LARP4: variants seen among roughly 807,000 people sequenced by gnomAD.
The protein encoded by LARP4 is la-related protein 4.
In LARP4, 29 loss-of-function variants were observed where a neutral mutation model predicts 92.9. That is an observed-to-expected ratio of 0.31 (90% confidence interval 0.23 to 0.43). The LOEUF (loss-of-function observed/expected upper bound fraction) is 0.43, where lower values mean the gene tolerates loss of function less well. Ranked by LOEUF, LARP4 falls within the 20% of genes least tolerant of loss-of-function variation. The pLI, the probability that LARP4 is intolerant of heterozygous loss-of-function variation, is 1.00. For missense variants in LARP4, 732 were observed against 860.0 expected (o/e 0.85, Z 1.86); for synonymous variants, 279 against 284.1 (o/e 0.98, Z 0.18).
chr12:50,474,243 T>C (rs1957295290), intron 15 of LARP4, 76 bp downstream of exon 15: 5 of 1,160,472 alleles, frequency 4.3e-6, no homozygotes, highest in South Asian at 1.6e-5. Flanking sequence ...CGTAACACTT[T>C]GTTAGAACAG....
In LARP4 at chr12:50,455,637, A is replaced by G. The variant is rs150477524; in HGVS notation, c.1121+1220A>G. 1.3e-3 allele frequency among the ~76,000 whole-genome samples: 193 copies of G among 152,254 alleles called. 2 individuals are homozygous for G. Among genetic ancestry groups the G allele is most frequent in the Non-Finnish European group, 2.0e-3 (137 of 68,012 alleles). ...GACAGGTTTTTCTGAAACTTGTTTT[A>G]CTGGAGAAATGAGCCCCAACAGAAT... On this transcript the variant is annotated intron_variant, in intron 10 of 15. Transcript: ENST00000398473.
intron 1 of LARP4, among the ~76,000 whole-genome samples, chr12:50,425,040 A>T (rs190929977): frequency 6.6e-6 from 1 of 152,048 alleles, no homozygotes; most frequent in Non-Finnish European, 1.5e-5. Flanking sequence ...CCAGCTATTC[A>T]GGAGGCTGAG....
At chr12:50,420,003 G>A (rs12313051) in intron 1 of LARP4, among the ~76,000 whole-genome samples, 383 of 152,254 alleles carry the variant, frequency 2.5e-3, no homozygotes, top group African/African-American at 7.7e-3. Flanking sequence ...TAAGTCATTA[G>A]GATCATGATT....
chr12:50,430,418 A>G lies in LARP4; in HGVS notation c.323-77A>G, dbSNP rs76762253. 6.3e-3 allele frequency: 4,613 copies of G among 734,514 alleles called. 172 individuals carry two copies. The East Asian group carries it at 0.083, about 13-fold the overall frequency. 45.5% of individuals were successfully genotyped at this position (734,514 alleles called of 1,614,324 possible). A position where few individuals can be genotyped will look rare whatever the true frequency, so the allele number is the denominator to read the frequency against. ...GATTGTAGATACTTTGTGGCTTCTGAGTACAACAGTATGTCAGATTTATCA... is the reference window on the plus strand; with the variant it reads ...GATTGTAGATACTTTGTGGCTTCTGGGTACAACAGTATGTCAGATTTATCA... On this transcript the variant is annotated intron_variant, in intron 3 of 15. Transcript: ENST00000398473.
chr12:50,421,643 A>AAAATAAATAAATAAATAAATAAAT (rs144012967), intron 1 of LARP4, among the ~76,000 whole-genome samples: 1 of 147,886 alleles, frequency 6.8e-6, no homozygotes, highest in African/African-American at 2.6e-5. Flanking sequence ...ACTTCATCAC[A>AAAATAAATAAATAAATAAATAAAT]AAATAAATAA....
chr12:50,437,982 G>A, intron 6 of LARP4, 144 bp downstream of exon 6: 1 of 536,214 alleles, frequency 1.9e-6, no homozygotes, highest in South Asian at 2.9e-5. Context: ...ACTGTGAAAA[G>A]GTTAAATACT....
chr12:50,423,444 A>G (rs1168627424), intron 1 of LARP4, among the ~76,000 whole-genome samples: 1 of 152,072 alleles, frequency 6.6e-6, no homozygotes, highest in African/African-American at 2.4e-5. Flanking sequence ...TTATAAAAAA[A>G]TCTATGCAGT....
intron 9 of LARP4, among the ~76,000 whole-genome samples, chr12:50,454,113 C>T (rs533714794): frequency 2.6e-5 from 4 of 152,222 alleles, no homozygotes; most frequent in African/African-American, 9.6e-5. Context: ...AATGTCAGAC[C>T]AGACATTCTT....
intron 1 of LARP4, among the ~76,000 whole-genome samples, chr12:50,414,587 A>G (rs1261072950): frequency 1.3e-5 from 2 of 152,130 alleles, no homozygotes; most frequent in African/African-American, 4.8e-5. Flanking sequence ...ACAGACATGC[A>G]CCACTGTGCC....
intron 10 of LARP4, among the ~76,000 whole-genome samples, chr12:50,455,176 T>C (rs1043701997): frequency 1.3e-5 from 2 of 152,320 alleles, no homozygotes; most frequent in African/African-American, 4.8e-5. Context: ...TTTTTCTTTA[T>C]GTAGACATCA....
chr12:50,450,960 T>C (rs536135267), intron 8 of LARP4, among the ~76,000 whole-genome samples: 1 of 152,348 alleles, frequency 6.6e-6, no homozygotes, highest in South Asian at 2.1e-4. Flanking sequence ...GTTGGGTTGC[T>C]TCTGGGGCCC....
intron 14 of LARP4, 143 bp from the exon 15 acceptor site, chr12:50,473,856 G>A: frequency 1.8e-6 from 1 of 562,696 alleles, no homozygotes; most frequent in Non-Finnish European, 3.1e-6. Context: ...GTTGCAGTGA[G>A]CCAAGAGCAT....
Position 50,475,668 on chromosome 12 carries a change from C to T in LARP4, c.1979C>T (p.Ser660Phe). 6.2e-7 allele frequency: 1 copy of T among 1,614,078 alleles called. No homozygotes were observed. Among genetic ancestry groups the T allele is most frequent in the Non-Finnish European group, 8.5e-7 (1 of 1,180,038 alleles). The change falls in exon 16 of 16, where the codon TCC (serine) becomes TTC (phenylalanine). Residue 660 changes from serine to phenylalanine, a missense_variant. Physicochemically the swap from Ser to Phe is radical, Grantham distance 155. Transcript: ENST00000398473. ...GAAGACAATGGAGCTCCTGAGAACT[C>T]CGTTGAGAAACCACATGAGAAGCCA... Reference protein sequence around the residue: ...KNEDNGAPENSVEKPHEKPEA... With the variant: ...KNEDNGAPENFVEKPHEKPEA...
chr12:50,477,510 T>A lies in LARP4; in HGVS notation c.*1646T>A, dbSNP rs1163569544. The stretch of plus-strand genomic sequence containing the variant: ...AGTAATATATTAAAGTGAATGTAAA[T>A]GGTGGTTAAAATTACATTACTGTGA... On this transcript the variant is annotated 3_prime_UTR_variant, in exon 16 of 16. Transcript: ENST00000398473. 6.6e-6 allele frequency: 1 copy of A among 152,640 alleles called. No homozygotes were observed. The highest frequency in any genetic ancestry group is 1.9e-4 in the East Asian group (1 of 5,184). The allele number at this position is 152,640 out of a possible 1,614,324, so 9.5% of individuals were successfully genotyped here. A position where few individuals can be genotyped will look rare whatever the true frequency, so the allele number is the denominator to read the frequency against.
chr12:50,430,063 A>G (rs1949418250), intron 3 of LARP4, among the ~76,000 whole-genome samples: 1 of 152,252 alleles, frequency 6.6e-6, no homozygotes, highest in Non-Finnish European at 1.5e-5. Context: ...TGAACTGTCC[A>G]AATTATAAAA....
At chr12:50,457,070 ATTG>A (rs1954399793) in intron 10 of LARP4, among the ~76,000 whole-genome samples, 1 of 151,870 alleles carries the variant, frequency 6.6e-6, no homozygotes, top group Non-Finnish European at 1.5e-5. Context: ...GTGCTAGCTA[ATTG>A]TTGTATTTTT....
chr12:50,407,315 C>T (rs1024958862), intron 1 of LARP4, among the ~76,000 whole-genome samples: 7 of 152,176 alleles, frequency 4.6e-5, no homozygotes, highest in Admixed American at 6.6e-5. Context: ...TGAGCCACTG[C>T]GTCTGGCCGA....
intron 13 of LARP4, among the ~76,000 whole-genome samples, chr12:50,472,930 A>C (rs984234382): frequency 6.6e-6 from 1 of 151,638 alleles, no homozygotes; most frequent in Non-Finnish European, 1.5e-5. Flanking sequence ...GGTTCAAGCA[A>C]TTCTGCCTCA....
intron 10 of LARP4, among the ~76,000 whole-genome samples, chr12:50,457,781 T>C (rs1244691558): frequency 6.8e-6 from 1 of 146,866 alleles, no homozygotes; most frequent in Non-Finnish European, 1.5e-5. Flanking sequence ...ACCACCTCGC[T>C]CCAGCCTGGG....
Sources: gnomAD v4.1 joint callset for allele counts (sites outside exome capture counted in the v4.1 genomes callset) on GRCh38, gnomAD v4.1.1 for gene constraint, MANE v1.5 for transcripts, NCBI Gene and HGNC (gene_info 2026-07-23, HGNC 2026-07-21) for gene names.